TRAF3: variants seen among roughly 807,000 people sequenced by gnomAD.
TRAF3 encodes TNF receptor associated factor 3.
In TRAF3, 13 loss-of-function variants were observed where a neutral mutation model predicts 62.3. That is an observed-to-expected ratio of 0.21 (90% CI 0.14 to 0.33). The LOEUF (loss-of-function observed/expected upper bound fraction) is 0.33, where lower values mean the gene tolerates loss of function less well. Among genes scored for constraint, TRAF3 ranks in the 10% least tolerant of loss-of-function variants. The probability of loss-of-function intolerance (pLI) is 1.00; values close to 1 mark genes in which losing one functional copy is unlikely to be tolerated. For missense variants in TRAF3, 440 were observed against 741.8 expected (o/e 0.59, Z 4.73); for synonymous variants, 269 against 283.4 (o/e 0.95, Z 0.51).
intron 9 of TRAF3, among the ~76,000 whole-genome samples, chr14:102,891,708 G>GTT (rs913274950): frequency 6.8e-6 from 1 of 148,040 alleles, no homozygotes; most frequent in African/African-American, 2.5e-5. Flanking sequence ...CCACCCTGCT[G>GTT]TTTTTTTTTT....
intron 6 of TRAF3, among the ~76,000 whole-genome samples, chr14:102,885,964 G>A (rs982168838): frequency 2.0e-5 from 3 of 152,182 alleles, no homozygotes; most frequent in African/African-American, 4.8e-5. Context: ...GAGGCAAGCC[G>A]CCCTCACTGG....
chr14:102,852,250 CT>C (rs1372664846), intron 2 of TRAF3, among the ~76,000 whole-genome samples: 1 of 152,048 alleles, frequency 6.6e-6, no homozygotes, highest in African/African-American at 2.4e-5. Context: ...CAGGCACACG[CT>C]GCCATGCCCG....
At chr14:102,813,978 C>T (rs576917697) in intron 1 of TRAF3, among the ~76,000 whole-genome samples, 97 of 152,260 alleles carry the variant, frequency 6.4e-4, no homozygotes, top group African/African-American at 2.3e-3. Flanking sequence ...CTCATCAAAT[C>T]TTTTCCCAGA....
At chr14:102,847,921 C>T (rs1032510843) in intron 2 of TRAF3, among the ~76,000 whole-genome samples, 1 of 151,976 alleles carries the variant, frequency 6.6e-6, no homozygotes, top group Non-Finnish European at 1.5e-5. Context: ...AGACGTCATA[C>T]CTCATGGCCC....
rs1897059623 is a variant in TRAF3 at position 102,777,536 on chromosome 14, T to C, written c.-296T>C. The C allele has an allele frequency of 7.0e-6, 1 of 142,682 alleles. No individual in the cohort carries two copies. The highest frequency in any genetic ancestry group is 1.5e-5 in the Non-Finnish European group (1 of 64,600). The allele number at this position is 142,682 out of a possible 1,614,324, so 8.8% of individuals were successfully genotyped here. ...CGGGGTTGCAGCCCAGCCGGGACTT[T>C]CCAGCCGGCGGCAGCCGCGGCGGCC... On this transcript the variant is annotated 5_prime_UTR_variant, in exon 1 of 12. Transcript: ENST00000392745.
chr14:102,888,886 GCAAGGGA>G (rs1411994157), intron 7 of TRAF3, among the ~76,000 whole-genome samples: 4 of 152,168 alleles, frequency 2.6e-5, no homozygotes, highest in African/African-American at 9.7e-5. Flanking sequence ...TTTGAGCTGA[GCAAGGGA>G]CTTTTTTCTT....
At chr14:102,802,649 A>G (rs1898512511) in intron 1 of TRAF3, among the ~76,000 whole-genome samples, 1 of 151,430 alleles carries the variant, frequency 6.6e-6, no homozygotes, top group Non-Finnish European at 1.5e-5. Context: ...CAAGATGGTG[A>G]AACTCCATCT....
chr14:102,885,619 C>T (rs777585661), intron 6 of TRAF3, among the ~76,000 whole-genome samples: 10 of 152,202 alleles, frequency 6.6e-5, no homozygotes, highest in Non-Finnish European at 1.2e-4. Context: ...AAACCTATCC[C>T]AATTTTCTAT....
intron 1 of TRAF3, among the ~76,000 whole-genome samples, chr14:102,818,939 CA>C (rs986022642): frequency 1.3e-5 from 2 of 151,664 alleles, no homozygotes; most frequent in Middle Eastern, 3.2e-3. Context: ...TAAATAAATA[CA>C]ATTTTTTTTG....
chr14:102,829,061 T>C (rs186144786), intron 1 of TRAF3, among the ~76,000 whole-genome samples: 1 of 152,232 alleles, frequency 6.6e-6, no homozygotes, highest in Non-Finnish European at 1.5e-5. Context: ...GGGTGCTACC[T>C]CCAGCTGCTG....
At position 102,905,776 on chromosome 14, in the gene TRAF3, G is replaced by A. The variant is rs1292422642; in HGVS notation, c.1699G>A (p.Asp567Asn). 2.5e-6 allele frequency: 4 copies of A among 1,613,348 alleles called. No homozygotes were observed. The highest frequency in any genetic ancestry group is 3.4e-6 in the Non-Finnish European group (4 of 1,179,726). Residue 567 changes from aspartate to asparagine, a missense_variant, in exon 12 of 12, where the codon GAT becomes AAT. Transcript: ENST00000392745. ...KVIVDTSDLP[D>N]P ...CATAGTGGATACTTCGGATCTGCCC[G>A]ATCCCTGATAAGTAGCTGGGGAGGT...
At chr14:102,843,142 G>T (rs1255833729) in intron 2 of TRAF3, among the ~76,000 whole-genome samples, 1 of 151,508 alleles carries the variant, frequency 6.6e-6, no homozygotes, top group Non-Finnish European at 1.5e-5. Flanking sequence ...GGCAGAGGTT[G>T]CAGTGAGCCG....
intron 4 of TRAF3, among the ~76,000 whole-genome samples, chr14:102,873,095 A>C (rs535832618): frequency 6.6e-6 from 1 of 152,326 alleles, no homozygotes; most frequent in African/African-American, 2.4e-5. Context: ...GTTGTACAAT[A>C]AAATTCTTAC....
chr14:102,852,568 A>G (rs1887108030), intron 2 of TRAF3, among the ~76,000 whole-genome samples: 1 of 152,170 alleles, frequency 6.6e-6, no homozygotes, highest in Non-Finnish European at 1.5e-5. Context: ...ATTGACTTCT[A>G]ATATCTTTAC....
At chr14:102,900,807 A>G (rs1890257802) in intron 10 of TRAF3, among the ~76,000 whole-genome samples, 2 of 152,198 alleles carry the variant, frequency 1.3e-5, no homozygotes, top group Admixed American at 6.5e-5. Context: ...ATGCTCCCTG[A>G]AGGCAAACCT....
rs775556588 is a variant in TRAF3 at position 102,870,434 on chromosome 14, C to T, written c.233C>T (p.Ala78Val). The T allele has an allele frequency of 2.2e-5, 36 of 1,613,556 alleles. No individual in the cohort carries two copies. The highest frequency in any genetic ancestry group is 1.2e-4 in the African/African-American group (9 of 74,928). The change falls in exon 3 of 12, where the codon GCG becomes GTG. Residue 78 changes from alanine to valine, a missense_variant. Ala to Val is a moderately conservative substitution (Grantham distance 64, BLOSUM62 0). Around this residue, in one of 6 missense-constraint regions of TRAF3, gnomAD observed 255 missense variants for 424.1 expected, o/e 0.60. Transcript: ENST00000392745. ...CACCGCTTCTGCGAGAGCTGCATGG[C>T]GGCCCTGCTGAGGTAGGCGCCCTCG... ...CGHRFCESCMAALLSSSSPKC... is the reference protein window; with the variant it reads ...CGHRFCESCMVALLSSSSPKC...
At chr14:102,831,536 A>G (rs1389933777) in intron 2 of TRAF3, among the ~76,000 whole-genome samples, 1 of 152,198 alleles carries the variant, frequency 6.6e-6, no homozygotes, top group Non-Finnish European at 1.5e-5. Context: ...GACTTCGGTC[A>G]GGCCAGGTCC....
In TRAF3 at chr14:102,830,976, G is replaced by A. The variant is rs529307542; in HGVS notation, c.-18+504G>A. On this transcript the variant is annotated intron_variant, in intron 2 of 11. Coordinates refer to ENST00000392745, the MANE Select transcript of TRAF3 (RefSeq NM_145725.3). ...GCTTACAAGGTTTGAAATACAAATT[G>A]ATTTTTTTAGCCAGATTCCATTGAA... 2.0e-4 allele frequency among the ~76,000 whole-genome samples: 31 copies of A among 152,300 alleles called. 1 individual carries two copies. The South Asian group carries it at 6.4e-3, about 32-fold the overall frequency.
chr14:102,829,625 C>G (rs1900540398), intron 1 of TRAF3, among the ~76,000 whole-genome samples: 1 of 152,188 alleles, frequency 6.6e-6, no homozygotes, highest in Admixed American at 6.5e-5. Context: ...GCACAGCTTT[C>G]TATCCATCTG....
Sources: gnomAD v4.1 joint callset for allele counts (sites outside exome capture counted in the v4.1 genomes callset) on GRCh38, gnomAD v4.1.1 for gene constraint, gnomAD v4.1.1 regional missense constraint, MANE v1.5 for transcripts, NCBI Gene and HGNC (gene_info 2026-07-23, HGNC 2026-07-21) for gene names.